The following GC variants were observed in gnomAD, a reference collection of about 807,000 sequenced individuals.
GC encodes vitamin D-binding protein.
Under a neutral mutation model 56.7 loss-of-function variants are expected in GC, and 43 were observed. The ratio of observed to expected loss-of-function variants is 0.76; its 90% CI spans 0.59 to 0.98. The LOEUF (loss-of-function observed/expected upper bound fraction) is 0.98, where lower values mean the gene tolerates loss of function less well. Among genes scored for constraint, GC ranks in the 50% least tolerant of loss-of-function variants. The pLI is 0.00. For missense variants in GC, 529 were observed against 545.9 expected, an observed-to-expected ratio of 0.97 and a Z score of 0.31; for synonymous variants, 216 against 202.7, an observed-to-expected ratio of 1.07 and a Z score of -0.56.
chr4:71,804,704 T>C (rs1743323582), upstream of GC, among the ~76,000 whole-genome samples: 1 of 152,192 alleles, frequency 6.6e-6, no homozygotes, highest in Admixed American at 6.5e-5. Context: ...TCTTTAAAAG[T>C]GTCGAAAGTA....
At chr4:71,741,894 TTA>T (rs1237782389) in intron 12 of GC, 24 bp from the exon 13 acceptor site, 2 of 702,898 alleles carry the variant, frequency 2.8e-6, no homozygotes, top group South Asian at 1.5e-5. Context: ...GAAATGAATT[TTA>T]TGTTAGAAAA....
chr4:71,769,865 A>G (rs776490331), intron 1 of GC, among the ~76,000 whole-genome samples: 13 of 152,108 alleles, frequency 8.5e-5, no homozygotes, highest in Non-Finnish European at 1.5e-5. Flanking sequence ...TCTCCACTCC[A>G]AGGTGAGGGG....
At position 71,799,821 on chromosome 4, in the gene GC, A is replaced by T. The variant is rs538255572; in HGVS notation, c.21+4105T>A. Among the ~76,000 whole-genome samples, 6 of 152,306 alleles carry T rather than the reference A, an allele frequency of 3.9e-5. No individual in the cohort carries two copies. In the East Asian group the frequency reaches 1.2e-3, roughly 29 times the overall value. On this transcript the variant is annotated intron_variant, in intron 1 of 13. Transcript: ENST00000504199. ...ACTAGGGAGGGAGGTTGATAGATTC[A>T]TTGGAGATGTAGTCTAAGCCATAGT...
At chr4:71,778,906 A>ATTATTG (rs1334091593) in intron 1 of GC, among the ~76,000 whole-genome samples, 9 of 147,024 alleles carry the variant, frequency 6.1e-5, no homozygotes, top group African/African-American at 2.0e-4. Flanking sequence ...TATTATTATT[A>ATTATTG]TTATTATTAT....
rs140258633 is a variant in GC at position 71,797,550 on chromosome 4, C to T, written c.21+6376G>A. On this transcript the variant is annotated intron_variant, in intron 1 of 13. Coordinates refer to the GC transcript ENST00000504199. ...TGGTTGCTGAGACTGAGGGAAAAGT[C>T]CTTTTTTTTCCAGGTACATTCTGTC... is the stretch of plus-strand genomic sequence containing the variant. 2.6e-3 allele frequency among the ~76,000 whole-genome samples: 398 copies of T among 152,024 alleles called. 1 individual carries two copies. Among genetic ancestry groups the T allele is most frequent in the African/African-American group, 9.2e-3 (381 of 41,552 alleles).
chr4:71,758,626 C>T (rs903465145), intron 6 of GC, among the ~76,000 whole-genome samples: 3 of 152,058 alleles, frequency 2.0e-5, no homozygotes, highest in Non-Finnish European at 2.9e-5. Context: ...GGTGTGTAAC[C>T]TTTCAGTATT....
At chr4:71,802,280 CAT>C (rs1169254014) in intron 1 of GC, among the ~76,000 whole-genome samples, 3 of 152,050 alleles carry the variant, frequency 2.0e-5, no homozygotes, top group Non-Finnish European at 4.4e-5. Flanking sequence ...GTTTAAGCTG[CAT>C]ATTATTTTTG....
At chr4:71,781,193 C>T (rs961184223) in intron 1 of GC, among the ~76,000 whole-genome samples, 3 of 151,860 alleles carry the variant, frequency 2.0e-5, no homozygotes, top group Non-Finnish European at 4.4e-5. Flanking sequence ...AATGAGAACA[C>T]TTGGTCACAG....
chr4:71,765,489 G>T lies in GC; in HGVS notation c.416C>A (p.Pro139His), dbSNP rs768106455. 6.2e-7 allele frequency: 1 copy of T among 1,613,954 alleles called. No homozygotes were observed. Among genetic ancestry groups the T allele is most frequent in the South Asian group, 1.1e-5 (1 of 91,074 alleles). Reference protein sequence around the residue: ...QPQEFPTYVEPTNDEICEAFR... With the variant: ...QPQEFPTYVEHTNDEICEAFR... Reference sequence around the variant, plus strand: ...CGCCTCACAGATTTCATCATTTGTGGGTTCCACGTAGGTAGGGAATTCCTG... The same window carrying T: ...CGCCTCACAGATTTCATCATTTGTGTGTTCCACGTAGGTAGGGAATTCCTG... Residue 139 changes from proline (P) to histidine (H), a missense_variant, in exon 4 of 13, where the codon CCC (proline) becomes CAC (histidine). Coordinates refer to ENST00000273951, the MANE Select transcript of GC (RefSeq NM_000583.4).
chr4:71,766,490 C>T (rs1742163544), intron 3 of GC, among the ~76,000 whole-genome samples: 1 of 151,838 alleles, frequency 6.6e-6, no homozygotes, highest in African/African-American at 2.4e-5. Flanking sequence ...ATAGAGTCAC[C>T]ATAGAGGAAA....
intron 6 of GC, among the ~76,000 whole-genome samples, chr4:71,761,424 A>G (rs1741970571): frequency 6.6e-6 from 1 of 152,236 alleles, no homozygotes; most frequent in Non-Finnish European, 1.5e-5. Flanking sequence ...AGCAGAGCAT[A>G]AAAGTTCAGA....
upstream of GC, among the ~76,000 whole-genome samples, chr4:71,788,690 A>AG (rs397823689): frequency 2.0e-3 from 287 of 147,004 alleles, no homozygotes; most frequent in African/African-American, 6.5e-3. Flanking sequence ...AAAGAAAGAG[A>AG]AAAAAAGAAA....
At position 71,758,189 on chromosome 4, in the gene GC, A is replaced by C. The variant is rs2149297588; in HGVS notation, c.702-18T>G. 6.2e-7 allele frequency: 1 copy of C among 1,605,626 alleles called. No homozygotes were observed. Among genetic ancestry groups the C allele is most frequent in the Non-Finnish European group, 8.5e-7 (1 of 1,174,344 alleles). ...TGAGATTGCTAAACAGTTAAAAATAAATATGTTAGCTTATCAACATTCTCA... is the reference window on the plus strand; with the variant it reads ...TGAGATTGCTAAACAGTTAAAAATACATATGTTAGCTTATCAACATTCTCA... On this transcript the variant is annotated intron_variant, in intron 6 of 12. Coordinates refer to ENST00000273951, the MANE Select transcript of GC (RefSeq NM_000583.4).
At chr4:71,749,914 A>G (rs943113133) in intron 11 of GC, among the ~76,000 whole-genome samples, 2 of 152,194 alleles carry the variant, frequency 1.3e-5, no homozygotes, top group Non-Finnish European at 2.9e-5. Flanking sequence ...TTGGGACCAG[A>G]GTGTAAATAT....
upstream of GC, among the ~76,000 whole-genome samples, chr4:71,787,454 T>G (rs919982327): frequency 6.6e-6 from 1 of 151,914 alleles, no homozygotes; most frequent in Admixed American, 6.6e-5. Flanking sequence ...TTTATTCATT[T>G]AACATATATT....
At position 71,760,041 on chromosome 4, in the gene GC, G is replaced by GTTT. The variant is rs66464250; in HGVS notation, c.702-1873_702-1871dup. 7.6e-4 allele frequency among the ~76,000 whole-genome samples: 77 copies of GTTT among 101,446 alleles called. 1 individual carries two copies. Among genetic ancestry groups the GTTT allele is most frequent in the African/African-American group, 2.4e-3 (73 of 30,976 alleles). The allele number at this position is 101,446 out of a possible 152,430, so 66.6% of individuals were successfully genotyped here. The stretch of plus-strand genomic sequence containing the variant: ...GGAACTGTTATATTTAAAGAAACTA[G>GTTT]TTTTTTTTTTTTTTTTTTTGAGACG... On this transcript the variant is annotated intron_variant, in intron 6 of 12. Transcript: ENST00000273951.
At chr4:71,775,311 C>G (rs1396484118) in intron 1 of GC, among the ~76,000 whole-genome samples, 1 of 151,796 alleles carries the variant, frequency 6.6e-6, no homozygotes, top group South Asian at 2.1e-4. Flanking sequence ...CTGGACATTC[C>G]CATAAAAGTC....
At chr4:71,770,681 G>T (rs1453812771) in intron 1 of GC, among the ~76,000 whole-genome samples, 5 of 152,212 alleles carry the variant, frequency 3.3e-5, no homozygotes. Flanking sequence ...AGGAGGAAAA[G>T]AGAACAGGCA....
At chr4:71,766,312 A>G (rs940941442) in intron 3 of GC, among the ~76,000 whole-genome samples, 3 of 152,202 alleles carry the variant, frequency 2.0e-5, no homozygotes, top group Non-Finnish European at 1.5e-5. Flanking sequence ...CCCAAGCTCC[A>G]AGATTTATGT....
Sources: gnomAD v4.1 joint callset for allele counts (sites outside exome capture counted in the v4.1 genomes callset) on GRCh38, gnomAD v4.1.1 for gene constraint, MANE v1.5 for transcripts, NCBI Gene and HGNC (gene_info 2026-07-23, HGNC 2026-07-21) for gene names.